Variants in L1CAM observed in about 807,000 individuals in gnomAD.
The protein encoded by L1CAM is neural cell adhesion molecule L1.
In L1CAM, 8 loss-of-function variants were observed where a neutral mutation model predicts 93.0. That is an observed-to-expected ratio of 0.09 (90% confidence interval 0.05 to 0.16). L1CAM has a LOEUF of 0.16. Ranked by LOEUF, L1CAM falls within the 10% of genes least tolerant of loss-of-function variation. The pLI is 1.00. For synonymous variants in L1CAM, 453 were observed against 453.0 expected, an observed-to-expected ratio of 1.00 and a Z score of 0.00; for missense variants, 777 against 1,073.4, an observed-to-expected ratio of 0.72 and a Z score of 3.86.
In L1CAM at chrX:153,869,825, T is replaced by C; in HGVS notation, c.1101A>G (p.Arg367=). The C allele has an allele frequency of 2.5e-6, 3 of 1,210,797 alleles. No individual in the cohort carries two copies. The highest frequency in any genetic ancestry group is 3.4e-6 in the Non-Finnish European group (3 of 895,154). ...CACCCTCCACAGGGATCCCGTTGAT[T>C]CTCCAGGTGACCTCTGGTTGGGGCC... is the stretch of plus-strand genomic sequence containing the variant. ...QGRPQPEVTW[R]INGIPVEELA... The change falls in exon 10 of 29, where the codon AGA becomes AGG. Residue 367 remains arginine, a synonymous_variant. Coordinates refer to ENST00000370060, the MANE Select transcript of L1CAM (RefSeq NM_001278116.2).
chrX:153,865,317 A>G lies in L1CAM; in HGVS notation c.2731T>C (p.Phe911Leu). ...RGSGPASEFT[F>L]STPEGVPGHP... ...GACTCACCTCCCTCTGGGGTGCTGA[A>G]GGTGAACTCGCTGGCGGGCCCCGAT... The change falls in exon 21 of 29, where the codon TTC (phenylalanine) becomes CTC (leucine). Residue 911 changes from phenylalanine to leucine, a missense_variant. Physicochemically the swap from Phe to Leu is conservative, Grantham distance 22. Around this residue, in one of 5 missense-constraint regions of L1CAM, gnomAD observed 574 missense variants for 781.0 expected, o/e 0.73. Transcript: ENST00000370060. 1.7e-6 allele frequency: 2 copies of G among 1,210,863 alleles called. No homozygotes were observed. Among genetic ancestry groups the G allele is most frequent in the Non-Finnish European group, 2.2e-6 (2 of 895,107 alleles).
rs781914352 is a variant in L1CAM, at chrX:153,885,835, C to T, written c.-109+230G>A. ...CAGCATCTGGGGCCCCGCAGGTTAC[C>T]CCTCACCTGTCGGGCTCGGGCACCC... On this transcript the variant is annotated intron_variant, in intron 1 of 28. Transcript: ENST00000370060. The T allele has an allele frequency of 4.1e-5, 34 of 835,043 alleles. No homozygotes were observed. In the South Asian group the frequency reaches 6.3e-4, roughly 16 times the overall value. The allele number at this position is 835,043 out of a possible 1,213,427, so 68.8% of individuals were successfully genotyped here.
At chrX:153,868,159 G>C in intron 14 of L1CAM, 37 bp from the exon 15 acceptor site, 1 of 1,208,632 alleles carries the variant, frequency 8.3e-7, no homozygotes, top group East Asian at 3.0e-5. Context: ...CTGCCATCTG[G>C]GCTCTTCTCC....
At chrX:153,874,428 C>A (rs2064797888) in intron 2 of L1CAM, among the ~76,000 whole-genome samples, 1 of 113,201 alleles carries the variant, frequency 8.8e-6, no homozygotes, top group Non-Finnish European at 1.9e-5. Context: ...GGCCTCTCAG[C>A]GGCTCTGCTC....
intron 14 of L1CAM, 35 bp from the exon 15 acceptor site, chrX:153,868,157 T>G (rs2064733099): frequency 8.3e-7 from 1 of 1,207,152 alleles, no homozygotes. Flanking sequence ...TCCTGCCATC[T>G]GGGCTCTTCT....
chrX:153,864,803 GTCATTCC>G lies in L1CAM; in HGVS notation c.3046+11_3046+17del. 1 of 1,212,060 alleles carries G rather than the reference GTCATTCC, an allele frequency of 8.3e-7. No homozygotes were observed. The highest frequency in any genetic ancestry group is 1.1e-6 in the Non-Finnish European group (1 of 895,399). ...CTGGCCGGGGCCTCCCTGTTGGCAG[GTCATTCC>G]TCCAGCTTACCAGACAAGGCCATAG... is the stretch of plus-strand genomic sequence containing the variant. On this transcript the variant is annotated intron_variant, in intron 23 of 28. Transcript: ENST00000370060.
chrX:153,872,993 G>C, intron 3 of L1CAM: 1 of 456,750 alleles, frequency 2.2e-6, no homozygotes, highest in South Asian at 3.2e-5. Context: ...ACCCCAGACA[G>C]GGGAGAAGGG....
chrX:153,863,825 G>C lies in L1CAM; in HGVS notation c.3457+58C>G, dbSNP rs2064685955. On this transcript the variant is annotated intron_variant, in intron 26 of 28. Coordinates refer to ENST00000370060, the MANE Select transcript of L1CAM (RefSeq NM_001278116.2). Reference sequence around the variant, plus strand: ...GAGGCCTTGCAGAAGGGTGGAAGGGGCGAGGTGCTCCTCTCTGCCCTCGGC... The same window carrying C: ...GAGGCCTTGCAGAAGGGTGGAAGGGCCGAGGTGCTCCTCTCTGCCCTCGGC... 5.1e-5 allele frequency: 61 copies of C among 1,200,605 alleles called. No individual in the cohort carries two copies. The South Asian group carries it at 9.9e-4, about 20-fold the overall frequency.
intron 24 of L1CAM, 36 bp from the exon 25 acceptor site, chrX:153,864,513 G>T (rs782016094): frequency 8.3e-7 from 1 of 1,209,369 alleles, no homozygotes; most frequent in East Asian, 3.0e-5. Flanking sequence ...GGGGTGAGTC[G>T]GAGTGCCAGG....
At chrX:153,867,233 C>T (rs1210304524) in intron 17 of L1CAM, 109 bp from the exon 18 acceptor site, 1 of 964,178 alleles carries the variant, frequency 1.0e-6, no homozygotes, top group East Asian at 3.1e-5. Flanking sequence ...GAGTCCAGCC[C>T]CCTCGCGCTC....
intron 11 of L1CAM, chrX:153,869,233 C>A: frequency 2.2e-6 from 1 of 450,339 alleles, no homozygotes; most frequent in Non-Finnish European, 3.9e-6. Context: ...TAGTCCCCAG[C>A]CTTCCCTGAA....
intron 7 of L1CAM, 22 bp downstream of exon 7, chrX:153,870,768 G>A (rs1557092843): frequency 1.7e-6 from 2 of 1,196,723 alleles, no homozygotes; most frequent in African/African-American, 3.5e-5. Flanking sequence ...CAGGGAGAGA[G>A]TGCAGAGCCT....
In L1CAM at chrX:153,862,610, G is replaced by T; in HGVS notation, c.*53C>A. On this transcript the variant is annotated 3_prime_UTR_variant, in exon 29 of 29. Coordinates refer to ENST00000370060, the MANE Select transcript of L1CAM (RefSeq NM_001278116.2). ...GCCTCCCATGGGCCTGCTGGAGAGG[G>T]AGGGGCCTGGATCCCAAGGCCAGGG... 2 of 998,348 alleles carry T rather than the reference G, an allele frequency of 2.0e-6. No homozygotes were observed. Among genetic ancestry groups the T allele is most frequent in the Non-Finnish European group, 2.8e-6 (2 of 716,222 alleles). 82.3% of individuals were successfully genotyped at this position (998,348 alleles called of 1,213,427 possible).
chrX:153,871,735 G>A (rs1851769916), intron 5 of L1CAM, among the ~76,000 whole-genome samples: 1 of 111,173 alleles, frequency 9.0e-6, no homozygotes, highest in Admixed American at 9.5e-5. Flanking sequence ...GTGGAGGGGA[G>A]GAGATGGAGA....
Position 153,886,128 on chromosome X carries a change from C to G in L1CAM, c.-172G>C. 7.9e-6 allele frequency: 1 copy of G among 126,843 alleles called. No individual in the cohort carries two copies. The highest frequency in any genetic ancestry group is 1.5e-5 in the Non-Finnish European group (1 of 66,594). The allele number at this position is 126,843 out of a possible 1,213,427, so 10.5% of individuals were successfully genotyped here. A position where few individuals can be genotyped will look rare whatever the true frequency, so the allele number is the denominator to read the frequency against. On this transcript the variant is annotated 5_prime_UTR_variant, in exon 1 of 29. Coordinates refer to ENST00000370060, the MANE Select transcript of L1CAM (RefSeq NM_001278116.2). ...CCGCGCACGCCGGCCTCGGACCCGCCGCCCGAGCGCGTCTGCGATGCCGAT... is the reference window on the plus strand; with the variant it reads ...CCGCGCACGCCGGCCTCGGACCCGCGGCCCGAGCGCGTCTGCGATGCCGAT...
chrX:153,868,956 G>A lies in L1CAM; in HGVS notation c.1268-4C>T. Reference sequence around the variant, plus strand: ...GTCAGGATCTTGGCTGGCAGCTCTAGGGGAGGAACAGCCTCAGGAGACAGG... The same window carrying A: ...GTCAGGATCTTGGCTGGCAGCTCTAAGGGAGGAACAGCCTCAGGAGACAGG... On this transcript the variant is annotated splice_polypyrimidine_tract_variant and splice_region_variant and intron_variant, in intron 11 of 28. Coordinates refer to ENST00000370060, the MANE Select transcript of L1CAM (RefSeq NM_001278116.2). 5.0e-6 allele frequency: 6 copies of A among 1,194,204 alleles called. No homozygotes were observed. The highest frequency in any genetic ancestry group is 6.8e-6 in the Non-Finnish European group (6 of 879,268).
At chrX:153,878,929 A>G (rs1262784400) in intron 1 of L1CAM, among the ~76,000 whole-genome samples, 1 of 110,013 alleles carries the variant, frequency 9.1e-6, no homozygotes, top group Non-Finnish European at 1.9e-5. Context: ...AGTATTTGCC[A>G]CCTAGCTTGC....
intron 25 of L1CAM, 46 bp from the exon 26 acceptor site, chrX:153,864,063 C>T: frequency 8.3e-7 from 1 of 1,208,028 alleles, no homozygotes; most frequent in South Asian, 1.8e-5. Flanking sequence ...CAAGCCAGAA[C>T]CCGACCTGAG....
intron 14 of L1CAM, 77 bp from the exon 15 acceptor site, chrX:153,868,199 C>G: frequency 5.0e-6 from 6 of 1,203,580 alleles, no homozygotes; most frequent in Non-Finnish European, 6.7e-6. Context: ...GTCTCCTTCC[C>G]CCGCTCCTGT....
Sources: gnomAD v4.1 joint callset for allele counts (sites outside exome capture counted in the v4.1 genomes callset) on GRCh38, gnomAD v4.1.1 for gene constraint, gnomAD v4.1.1 regional missense constraint, MANE v1.5 for transcripts, NCBI Gene and HGNC (gene_info 2026-07-23, HGNC 2026-07-21) for gene names.